HIF1A: variants seen among roughly 807,000 people sequenced by gnomAD.
The protein encoded by HIF1A is hypoxia inducible factor 1 subunit alpha.
Under a neutral mutation model 92.7 loss-of-function variants are expected in HIF1A, and 24 were observed. The observed-to-expected ratio is 0.26, with a 90% CI of 0.19 to 0.36. The LOEUF is 0.36. Among genes scored for constraint, HIF1A ranks in the 10% least tolerant of loss-of-function variants. HIF1A has a pLI of 1.00. For synonymous variants in HIF1A, 319 were observed against 338.7 expected, an observed-to-expected ratio of 0.94 and a Z score of 0.64; for missense variants, 799 against 998.5, an observed-to-expected ratio of 0.80 and a Z score of 2.69.
rs368589454 is a variant in HIF1A at position 61,720,466 on chromosome 14, T to G, written c.120T>G (p.Leu40=). Reference sequence around the variant, plus strand: ...AAGAATCTGAAGTTTTTTATGAGCTTGCTCATCAGTTGCCACTTCCACATA... The same window carrying G: ...AAGAATCTGAAGTTTTTTATGAGCTGGCTCATCAGTTGCCACTTCCACATA... ...RSKESEVFYE[L]AHQLPLPHNV... is the part of the protein sequence containing the mutation. The change falls in exon 2 of 15, where the codon CTT becomes CTG. Residue 40 remains leucine (L), a synonymous_variant. Transcript: ENST00000337138. 2 of 1,613,388 alleles carry G rather than the reference T, an allele frequency of 1.2e-6. No individual in the cohort carries two copies. Among genetic ancestry groups the G allele is most frequent in the Non-Finnish European group, 1.7e-6 (2 of 1,179,494 alleles).
At chr14:61,729,497 AG>A (rs2044549534) in intron 6 of HIF1A, among the ~76,000 whole-genome samples, 1 of 151,782 alleles carries the variant, frequency 6.6e-6, no homozygotes, top group Non-Finnish European at 1.5e-5. Context: ...AGACCTCAGA[AG>A]GATGTTGTCA....
Position 61,741,021 on chromosome 14 carries a change from A to G in HIF1A, c.1926A>G (p.Pro642=). The G allele has an allele frequency of 1.2e-6, 2 of 1,614,188 alleles. No homozygotes were observed. The highest frequency in any genetic ancestry group is 1.6e-4 in the Middle Eastern group (1 of 6,062). ...MEDIKILIAS[P]SPTHIHKETT... ...ACATTAAAATATTGATTGCATCTCC[A>G]TCTCCTACCCACATACATAAAGAAA... The change falls in exon 12 of 15, where the codon CCA becomes CCG. Residue 642 remains proline, a synonymous_variant. Coordinates refer to ENST00000337138, the MANE Select transcript of HIF1A (RefSeq NM_001530.4).
intron 1 of HIF1A, among the ~76,000 whole-genome samples, chr14:61,706,703 C>G (rs1328602973): frequency 6.6e-6 from 1 of 152,102 alleles, no homozygotes; most frequent in Admixed American, 6.5e-5. Context: ...GGGACCCATT[C>G]GCCAGAGATT....
chr14:61,744,948 T>A, intron 13 of HIF1A, 135 bp downstream of exon 13: 1 of 498,356 alleles, frequency 2.0e-6, no homozygotes. Flanking sequence ...ATACATTGGG[T>A]TTTTTTACTC....
chr14:61,740,937 C>T lies in HIF1A; in HGVS notation c.1842C>T (p.Ala614=), dbSNP rs1182437599. The change falls in exon 12 of 15, where the codon GCC becomes GCT. Residue 614 remains alanine (A), a synonymous_variant. Coordinates refer to ENST00000337138, the MANE Select transcript of HIF1A (RefSeq NM_001530.4). ...QTQIQEPTAN[A]TTTTATTDEL... is the part of the protein sequence containing the mutation. ...AAATACAAGAACCTACTGCTAATGCCACCACTACCACTGCCACCACTGATG... is the reference window on the plus strand; with the variant it reads ...AAATACAAGAACCTACTGCTAATGCTACCACTACCACTGCCACCACTGATG... 2.5e-6 allele frequency: 4 copies of T among 1,614,122 alleles called. No individual in the cohort carries two copies. Among genetic ancestry groups the T allele is most frequent in the South Asian group, 2.2e-5 (2 of 91,080 alleles).
chr14:61,746,988 T>A lies in HIF1A; in HGVS notation c.2384T>A (p.Leu795Gln). The change falls in exon 15 of 15, where the codon CTG becomes CAG. Residue 795 changes from leucine to glutamine, a missense_variant. Leu to Gln is a moderately radical substitution (Grantham distance 113, BLOSUM62 -2). Coordinates refer to ENST00000337138, the MANE Select transcript of HIF1A (RefSeq NM_001530.4). The stretch of plus-strand genomic sequence containing the variant: ...ATGGATGAAAGTGGATTACCACAGC[T>A]GACCAGTTATGATTGTGAAGTTAAT... ...QSMDESGLPQ[L>Q]TSYDCEVNAP... 6.2e-7 allele frequency: 1 copy of A among 1,613,772 alleles called. No homozygotes were observed. Among genetic ancestry groups the A allele is most frequent in the East Asian group, 2.2e-5 (1 of 44,858 alleles).
Position 61,721,800 on chromosome 14 carries a change from G to C in HIF1A, c.434G>C (p.Arg145Thr), listed in dbSNP as rs1408778181. Residue 145 changes from arginine (R) to threonine (T), a missense_variant, in exon 4 of 15, where the codon AGA (arginine) becomes ACA (threonine). Around this residue, in one of 2 missense-constraint regions of HIF1A, gnomAD observed 516 missense variants for 721.0 expected, o/e 0.72. Transcript: ENST00000337138. ...CATCCATGTGACCATGAGGAAATGA[G>C]AGAAATGCTTACACACAGAAATGGT... ...FTHPCDHEEM[R>T]EMLTHRNGLV... 24 of 1,612,572 alleles carry C rather than the reference G, an allele frequency of 1.5e-5. No individual in the cohort carries two copies. The highest frequency in any genetic ancestry group is 2.0e-5 in the Non-Finnish European group (24 of 1,178,870).
intron 1 of HIF1A, among the ~76,000 whole-genome samples, chr14:61,718,378 T>C (rs760404516): frequency 1.5e-4 from 23 of 152,136 alleles, no homozygotes; most frequent in South Asian, 6.2e-4. Context: ...TAGAAATCTA[T>C]TTCCCACAGC....
At position 61,745,724 on chromosome 14, in the gene HIF1A, G is replaced by GCTA; in HGVS notation, c.2241_2243dup (p.Thr748dup). 1.2e-6 allele frequency: 2 copies of GCTA among 1,612,612 alleles called. No homozygotes were observed. The highest frequency in any genetic ancestry group is 8.5e-7 in the Non-Finnish European group (1 of 1,178,682). ...ATTACAGCAGCCAGACGATCATGCA[G>GCTA]CTACTACATCACTTTCTTGGAAACG... On this transcript the variant is annotated inframe_insertion, in exon 14 of 15. Transcript: ENST00000337138.
In HIF1A at chr14:61,736,574, C is replaced by A. The variant is rs148005091; in HGVS notation, c.1029-315C>A. ...GCTCCCACTTACAAGTGAGAACATG[C>A]AGCATTTGGTTTTCTGTTCCTGGGT... On this transcript the variant is annotated intron_variant, in intron 8 of 14. Transcript: ENST00000337138. Among the ~76,000 whole-genome samples, 1,357 of 152,256 alleles carry A rather than the reference C, an allele frequency of 8.9e-3. 14 individuals are homozygous for A. The highest frequency in any genetic ancestry group is 0.03 in the African/African-American group (1,256 of 41,544).
intron 2 of HIF1A, among the ~76,000 whole-genome samples, chr14:61,721,144 G>A (rs2140137190): frequency 6.6e-6 from 1 of 152,222 alleles, no homozygotes; most frequent in Non-Finnish European, 1.5e-5. Flanking sequence ...GGGAGGCTGA[G>A]GCAGGAGAAT....
chr14:61,741,419 G>T (rs2044711004), intron 12 of HIF1A, among the ~76,000 whole-genome samples: 1 of 143,238 alleles, frequency 7.0e-6, no homozygotes, highest in South Asian at 2.2e-4. Context: ...GGAGTGCAAT[G>T]GCATGGCACC....
In HIF1A at chr14:61,745,576, G is replaced by A. The variant is rs752841672; in HGVS notation, c.2203-115G>A. Reference sequence around the variant, plus strand: ...AAGAAAGAATTCAAAATAATTTAGGGTAGTATTTAAGAAACTGCCTATAAT... The same window carrying A: ...AAGAAAGAATTCAAAATAATTTAGGATAGTATTTAAGAAACTGCCTATAAT... On this transcript the variant is annotated intron_variant, in intron 13 of 14. Coordinates refer to ENST00000337138, the MANE Select transcript of HIF1A (RefSeq NM_001530.4). The A allele has an allele frequency of 1.8e-5, 14 of 777,324 alleles. No homozygotes were observed. The East Asian group carries it at 3.2e-4, about 18-fold the overall frequency. 48.2% of individuals were successfully genotyped at this position (777,324 alleles called of 1,614,324 possible).
At chr14:61,727,754 G>A in intron 6 of HIF1A, 99 bp downstream of exon 6, 1 of 879,440 alleles carries the variant, frequency 1.1e-6, no homozygotes, top group Non-Finnish European at 1.8e-6. Context: ...CATGCATGGT[G>A]GCTCACACCT....
intron 5 of HIF1A, 148 bp from the exon 6 acceptor site, chr14:61,727,301 GTTCA>G (rs2044517990): frequency 1.6e-6 from 1 of 624,826 alleles, no homozygotes; most frequent in African/African-American, 1.8e-5. Context: ...TAGGAAAAAT[GTTCA>G]TTGATTTTCA....
At chr14:61,711,375 TTTGA>T (rs1390963124) in intron 1 of HIF1A, among the ~76,000 whole-genome samples, 2 of 152,128 alleles carry the variant, frequency 1.3e-5, no homozygotes, top group Non-Finnish European at 2.9e-5. Context: ...CGGCTAGTAA[TTTGA>T]TTGGTTAAGA....
rs1225899795 is a variant in HIF1A, at chr14:61,747,707, GGTTT to G, written c.*623_*626del. ...TAATAATGATTCTTAAATGCTGTAT[GGTTT>G]ATTATTTAAATGGGTAAAGCCATTT... On this transcript the variant is annotated 3_prime_UTR_variant, in exon 15 of 15. Transcript: ENST00000337138. 2 of 152,378 alleles carry G rather than the reference GGTTT, an allele frequency of 1.3e-5. No individual in the cohort carries two copies. The highest frequency in any genetic ancestry group is 2.9e-5 in the Non-Finnish European group (2 of 67,964). 9.4% of individuals were successfully genotyped at this position (152,378 alleles called of 1,614,324 possible).
At chr14:61,744,249 G>A (rs79865957) in intron 12 of HIF1A, among the ~76,000 whole-genome samples, 145 of 152,112 alleles carry the variant, frequency 9.5e-4, no homozygotes, top group Admixed American at 2.2e-3. Flanking sequence ...AAGCTTTGAC[G>A]GCCAGGTGCT....
chr14:61,728,495 A>G (rs2044535216), intron 6 of HIF1A, among the ~76,000 whole-genome samples: 1 of 152,168 alleles, frequency 6.6e-6, no homozygotes, highest in Non-Finnish European at 1.5e-5. Flanking sequence ...ACTGCCCCCA[A>G]ACAACATCAT....
Sources: gnomAD v4.1 joint callset for allele counts (sites outside exome capture counted in the v4.1 genomes callset) on GRCh38, gnomAD v4.1.1 for gene constraint, gnomAD v4.1.1 regional missense constraint, MANE v1.5 for transcripts, NCBI Gene and HGNC (gene_info 2026-07-23, HGNC 2026-07-21) for gene names.